PHF12: variants seen among roughly 807,000 people sequenced by gnomAD.
The protein encoded by PHF12 is PHD finger protein 12.
PHF12 carries 6 observed loss-of-function variants against 99.8 expected under a neutral mutation model. The ratio of observed to expected loss-of-function variants is 0.06; its 90% CI spans 0.03 to 0.12. PHF12 has a LOEUF of 0.12. Among genes scored for constraint, PHF12 ranks in the 10% least tolerant of loss-of-function variants. PHF12 has a pLI of 1.00. For synonymous variants in PHF12, 480 were observed against 514.9 expected (o/e 0.93, Z 0.92); for missense variants, 954 against 1,300.1 (o/e 0.73, Z 4.09).
Position 28,950,493 on chromosome 17 carries a change from G to A in PHF12, c.67-247C>T. ...AGGATCAAGGGTAGGGGGATGGGAA[G>A]AGGGTGCGCGGTTCCCTTCTTGCCA... On this transcript the variant is annotated intron_variant, in intron 1 of 14. Coordinates refer to ENST00000332830, the MANE Select transcript of PHF12 (RefSeq NM_001033561.2). This position sits in a 1 kb window ranked among gnomAD's most constrained non-coding sequence, Gnocchi z 5.7. 1 of 571,400 alleles carries A rather than the reference G, an allele frequency of 1.8e-6. No individual in the cohort carries two copies. The highest frequency in any genetic ancestry group is 3.1e-6 in the Non-Finnish European group (1 of 322,804). The allele number at this position is 571,400 out of a possible 1,614,324, so 35.4% of individuals were successfully genotyped here. A position where few individuals can be genotyped will look rare whatever the true frequency, so the allele number is the denominator to read the frequency against.
intron 2 of PHF12, among the ~76,000 whole-genome samples, chr17:28,943,904 C>T (rs1479099426): frequency 2.2e-4 from 34 of 152,232 alleles, no homozygotes; most frequent in Admixed American, 2.2e-3. Context: ...CTTGTACTTT[C>T]ACTCAGGTTA....
intron 5 of PHF12, 111 bp downstream of exon 5, chr17:28,921,577 T>A: frequency 7.4e-7 from 1 of 1,359,656 alleles, no homozygotes; most frequent in Non-Finnish European, 1.0e-6. Flanking sequence ...ACTCATACTA[T>A]CAGAATATGG....
Position 28,907,010 on chromosome 17 carries a change from G to A in PHF12, c.2542-16C>T, listed in dbSNP as rs777996231. ...GTTTGGTATTCTGAGGAGGAGGAGGGGAGATAAGATGTGTGGTCTGCTGTG... is the reference window on the plus strand; with the variant it reads ...GTTTGGTATTCTGAGGAGGAGGAGGAGAGATAAGATGTGTGGTCTGCTGTG... On this transcript the variant is annotated splice_polypyrimidine_tract_variant and intron_variant, in intron 13 of 14. Transcript: ENST00000332830. 1 of 1,596,614 alleles carries A rather than the reference G, an allele frequency of 6.3e-7. No homozygotes were observed. The highest frequency in any genetic ancestry group is 1.1e-5 in the South Asian group (1 of 87,858).
intron 7 of PHF12, among the ~76,000 whole-genome samples, chr17:28,915,368 C>T (rs2040042981): frequency 6.6e-6 from 1 of 152,056 alleles, no homozygotes; most frequent in African/African-American, 2.4e-5. Context: ...TTATTTACTG[C>T]AATAGGAGAT....
intron 8 of PHF12, 61 bp downstream of exon 8, chr17:28,913,818 A>T: frequency 6.4e-7 from 1 of 1,552,684 alleles, no homozygotes; most frequent in Non-Finnish European, 8.8e-7. Flanking sequence ...TACTTCTGAT[A>T]ACAGCTGTGG....
chr17:28,938,491 G>A (rs1446254161), intron 2 of PHF12, among the ~76,000 whole-genome samples: 1 of 152,114 alleles, frequency 6.6e-6, no homozygotes, highest in East Asian at 1.9e-4. Context: ...GCTTCCCAAA[G>A]TGCTAGGATT....
chr17:28,930,445 G>C (rs1322028358), intron 2 of PHF12, among the ~76,000 whole-genome samples: 1 of 152,170 alleles, frequency 6.6e-6, no homozygotes, highest in Non-Finnish European at 1.5e-5. Flanking sequence ...TAAGGAATGG[G>C]CTTCTAGGAA....
rs1489542463 is a variant in PHF12 at position 28,910,307 on chromosome 17, G to C, written c.2278C>G (p.Gln760Glu). The change falls in exon 11 of 15, where the codon CAG becomes GAG. Residue 760 changes from glutamine to glutamate, a missense_variant. By Grantham distance (29) the Gln-to-Glu change is conservative (BLOSUM62 2). This residue lies in a region of PHF12 where 143 missense variants were observed against 191.8 expected (regional missense o/e 0.75). Transcript: ENST00000332830. ...IKFLALQRIH[Q>E]LFPSRVQPSP... ...GGTTGGACCCGGGAGGGGAAAAGCT[G>C]ATGTATTCTCTGCAAGGCCAGAAAC... 6.2e-7 allele frequency: 1 copy of C among 1,614,106 alleles called. No homozygotes were observed. The highest frequency in any genetic ancestry group is 1.3e-5 in the African/African-American group (1 of 74,934).
chr17:28,934,590 T>C (rs1449423944), intron 2 of PHF12, among the ~76,000 whole-genome samples: 1 of 151,726 alleles, frequency 6.6e-6, no homozygotes, highest in Admixed American at 6.6e-5. Context: ...ACCTTTCTTT[T>C]CTTTCTTTTT....
intron 2 of PHF12, chr17:28,945,272 A>G (rs1320658954): frequency 6.6e-6 from 1 of 152,028 alleles, no homozygotes; most frequent in Non-Finnish European, 1.5e-5. Flanking sequence ...AACATCAAAC[A>G]TTTTCTGCAA....
intron 5 of PHF12, among the ~76,000 whole-genome samples, chr17:28,920,066 C>T (rs2040134927): frequency 6.6e-6 from 1 of 152,098 alleles, no homozygotes; most frequent in Admixed American, 6.6e-5. Flanking sequence ...GCAGAACTGA[C>T]AATTAGAGGT....
At chr17:28,937,116 G>A (rs1197614407) in intron 2 of PHF12, among the ~76,000 whole-genome samples, 1 of 152,134 alleles carries the variant, frequency 6.6e-6, no homozygotes, top group Non-Finnish European at 1.5e-5. Context: ...GTGGTGCTGG[G>A]TAAAGTTTAA....
At chr17:28,911,324 T>C (rs758843151) in intron 9 of PHF12, 87 bp from the exon 10 acceptor site, 6 of 1,554,106 alleles carry the variant, frequency 3.9e-6, no homozygotes, top group Non-Finnish European at 5.2e-6. Flanking sequence ...GGTCTGGATT[T>C]CGGACCCAAG....
rs771584868 is a variant in PHF12, at chr17:28,906,532, G to T, written c.2681-15C>A. 1.1e-4 allele frequency: 174 copies of T among 1,585,048 alleles called. No homozygotes were observed. Among genetic ancestry groups the T allele is most frequent in the Non-Finnish European group, 1.4e-4 (162 of 1,161,742 alleles). Reference sequence around the variant, plus strand: ...CCGGCGGCGCCCTGGGAAAAAGGGGGATGGTCACAGAAGAGGAACAGTGAG... The same window carrying T: ...CCGGCGGCGCCCTGGGAAAAAGGGGTATGGTCACAGAAGAGGAACAGTGAG... On this transcript the variant is annotated splice_polypyrimidine_tract_variant and intron_variant, in intron 14 of 14. Coordinates refer to ENST00000332830, the MANE Select transcript of PHF12 (RefSeq NM_001033561.2). The surrounding 1 kb of genome is among the most constrained non-coding windows in gnomAD (Gnocchi z 4.2).
intron 2 of PHF12, among the ~76,000 whole-genome samples, chr17:28,931,756 T>G (rs1458252509): frequency 2.1e-5 from 3 of 140,132 alleles, no homozygotes; most frequent in Non-Finnish European, 4.7e-5. Flanking sequence ...TAATTTTTGT[T>G]TTTTTTTTAG....
intron 9 of PHF12, among the ~76,000 whole-genome samples, chr17:28,911,758 CG>C (rs1567949327): frequency 6.6e-6 from 1 of 152,084 alleles, no homozygotes; most frequent in African/African-American, 2.4e-5. Context: ...TCAGTTCAGA[CG>C]GGAGAGACCA....
chr17:28,947,360 T>C (rs2040738535), intron 2 of PHF12, among the ~76,000 whole-genome samples: 1 of 152,004 alleles, frequency 6.6e-6, no homozygotes, highest in Non-Finnish European at 1.5e-5. Flanking sequence ...TCTGATTGAG[T>C]TAATAAAATA....
At chr17:28,917,908 G>A (rs1272956540) in intron 6 of PHF12, among the ~76,000 whole-genome samples, 1 of 152,176 alleles carries the variant, frequency 6.6e-6, no homozygotes, top group African/African-American at 2.4e-5. Context: ...GAGCTTGGCT[G>A]ACAACTGGGT....
chr17:28,949,286 G>A lies in PHF12; in HGVS notation c.248+779C>T, dbSNP rs139353045. On this transcript the variant is annotated intron_variant, in intron 2 of 14. Transcript: ENST00000332830. This position sits in a 1 kb window ranked among gnomAD's most constrained non-coding sequence, Gnocchi z 4.6. ...TGTCTAACCCGGCCCGATTTCCTAA[G>A]AGGCAGCGGCGCCGGGAGGGAGGAG... is the stretch of plus-strand genomic sequence containing the variant. 1.7e-3 allele frequency among the ~76,000 whole-genome samples: 263 copies of A among 152,278 alleles called. 1 individual carries two copies. The highest frequency in any genetic ancestry group is 6.2e-3 in the African/African-American group (256 of 41,566).
Sources: gnomAD v4.1 joint callset for allele counts (sites outside exome capture counted in the v4.1 genomes callset) on GRCh38, gnomAD v4.1.1 for gene constraint, gnomAD v4.1.1 regional missense constraint, Gnocchi (gnomAD v3.1) non-coding constraint, MANE v1.5 for transcripts, NCBI Gene and HGNC (gene_info 2026-07-23, HGNC 2026-07-21) for gene names.